SMIM14: variants seen among roughly 807,000 people sequenced by gnomAD.
SMIM14 encodes the protein small integral membrane protein 14, also known as chromosome 4 open reading frame 34.
A neutral mutation model predicts 12.6 loss-of-function variants in SMIM14; 5 were observed. The ratio of observed to expected loss-of-function variants is 0.40; its 90% CI spans 0.21 to 0.83. The LOEUF (loss-of-function observed/expected upper bound fraction) is 0.83, where lower values mean the gene tolerates loss of function less well. SMIM14 is among the 40% of genes least tolerant of loss of function. The pLI is 0.37. For missense variants in SMIM14, 86 were observed against 119.1 expected, an observed-to-expected ratio of 0.72 and a Z score of 1.29; for synonymous variants, 30 against 40.1, an observed-to-expected ratio of 0.75 and a Z score of 0.95.
intron 1 of SMIM14, among the ~76,000 whole-genome samples, chr4:39,636,484 TA>T (rs1716095223): frequency 6.6e-6 from 1 of 152,186 alleles, no homozygotes. Context: ...ACCATGCTTT[TA>T]ATAATTATGG....
intron 4 of SMIM14, among the ~76,000 whole-genome samples, chr4:39,554,733 CAAAT>C (rs1006158140): frequency 1.4e-4 from 17 of 118,394 alleles, no homozygotes; most frequent in Middle Eastern, 0.013. Context: ...TTTAAATTGA[CAAAT>C]AAAAATTGTA....
At chr4:39,576,665 T>C (rs1456718195) in intron 2 of SMIM14, among the ~76,000 whole-genome samples, 1 of 20,390 alleles carries the variant, frequency 4.9e-5, no homozygotes, top group East Asian at 1.7e-3. Flanking sequence ...TATGTGTATA[T>C]ATATATATAT....
chr4:39,613,118 T>C (rs1209857523), intron 1 of SMIM14, among the ~76,000 whole-genome samples: 1 of 151,766 alleles, frequency 6.6e-6, no homozygotes, highest in Non-Finnish European at 1.5e-5. Flanking sequence ...CCACCACCCC[T>C]AAAAAAAACA....
intron 4 of SMIM14, among the ~76,000 whole-genome samples, chr4:39,556,098 G>A (rs1374922746): frequency 1.3e-5 from 2 of 151,838 alleles, no homozygotes; most frequent in Non-Finnish European, 2.9e-5. Context: ...AGGAGGTGGA[G>A]GCTTCAGTGA....
chr4:39,621,212 A>T (rs1186775518), intron 1 of SMIM14: 1 of 152,212 alleles, frequency 6.6e-6, no homozygotes, highest in East Asian at 1.9e-4. Context: ...CTTTCCATCC[A>T]TTAAAGTACA....
intron 2 of SMIM14, among the ~76,000 whole-genome samples, chr4:39,599,948 A>AAAAAAAAAAG (rs1714537559): frequency 6.6e-6 from 1 of 151,956 alleles, no homozygotes; most frequent in African/African-American, 2.4e-5. Context: ...AAAAAAAAAA[A>AAAAAAAAAAG]AAAGAAAAAG....
At chr4:39,599,567 C>T (rs893391446) in intron 2 of SMIM14, among the ~76,000 whole-genome samples, 1 of 152,026 alleles carries the variant, frequency 6.6e-6, no homozygotes, top group Non-Finnish European at 1.5e-5. Context: ...TGAAAAATGG[C>T]TGGATTCTGG....
chr4:39,595,608 A>ATTTTTTTTTTTT (rs71192880), intron 2 of SMIM14, among the ~76,000 whole-genome samples: 2 of 135,552 alleles, frequency 1.5e-5, no homozygotes. Flanking sequence ...TGTAACTACG[A>ATTTTTTTTTTTT]TTTTTTTTTT....
chr4:39,609,912 G>A (rs1185211003), intron 1 of SMIM14, among the ~76,000 whole-genome samples: 2 of 152,198 alleles, frequency 1.3e-5, no homozygotes, highest in African/African-American at 4.8e-5. Flanking sequence ...CTGGAAGGAA[G>A]ACAAATTATT....
chr4:39,623,125 T>A (rs1715566684), intron 1 of SMIM14, among the ~76,000 whole-genome samples: 1 of 152,150 alleles, frequency 6.6e-6, no homozygotes, highest in Non-Finnish European at 1.5e-5. Context: ...AGAGTCTTTA[T>A]CTCTTAGGAA....
chr4:39,599,933 C>CAAAA (rs56285045), intron 2 of SMIM14, among the ~76,000 whole-genome samples: 3 of 115,078 alleles, frequency 2.6e-5, no homozygotes, highest in Non-Finnish European at 1.8e-5. Flanking sequence ...AAAACAACAA[C>CAAAA]AAAAAAAAAA....
At chr4:39,579,235 C>T (rs966097864) in intron 2 of SMIM14, among the ~76,000 whole-genome samples, 8 of 150,836 alleles carry the variant, frequency 5.3e-5, no homozygotes, top group African/African-American at 1.5e-4. Context: ...ATGGAAAGAC[C>T]CCATCTCTAC....
chr4:39,595,300 A>G (rs1359427431), intron 2 of SMIM14, among the ~76,000 whole-genome samples: 2 of 149,082 alleles, frequency 1.3e-5, no homozygotes, highest in Non-Finnish European at 3.0e-5. Context: ...AAACTATTGC[A>G]AGAACAAAAA....
chr4:39,619,221 TTATTCTATATATCAATAAATA>T (rs1715346540), intron 1 of SMIM14, among the ~76,000 whole-genome samples: 2 of 141,950 alleles, frequency 1.4e-5, no homozygotes, highest in African/African-American at 5.1e-5. Flanking sequence ...TAAATATAAT[TTATTCTATATATCAATAAATA>T]TAATTTATTC....
chr4:39,611,505 C>CAA (rs79299163), intron 1 of SMIM14, among the ~76,000 whole-genome samples: 13 of 90,890 alleles, frequency 1.4e-4, no homozygotes, highest in East Asian at 3.2e-4. Context: ...GACTCCATCT[C>CAA]AAAAAAAAAA....
chr4:39,592,041 CA>C (rs1188113987), intron 2 of SMIM14, among the ~76,000 whole-genome samples: 2 of 151,648 alleles, frequency 1.3e-5, no homozygotes, highest in African/African-American at 2.4e-5. Flanking sequence ...AAAAAAAATA[CA>C]AAAATTAGCC....
At chr4:39,587,011 T>TAATC (rs1338109421) in intron 2 of SMIM14, among the ~76,000 whole-genome samples, 2 of 151,940 alleles carry the variant, frequency 1.3e-5, no homozygotes, top group Non-Finnish European at 2.9e-5. Flanking sequence ...TCACAAGGCC[T>TAATC]CTACCCTCAT....
intron 1 of SMIM14, among the ~76,000 whole-genome samples, chr4:39,608,582 T>G (rs1029347703): frequency 6.6e-6 from 1 of 152,242 alleles, no homozygotes; most frequent in Non-Finnish European, 1.5e-5. Flanking sequence ...ATGAAATATC[T>G]AGCTAGAATA....
intron 3 of SMIM14, among the ~76,000 whole-genome samples, chr4:39,560,620 T>A (rs1197551919): frequency 1.3e-5 from 2 of 151,822 alleles, no homozygotes; most frequent in Admixed American, 6.6e-5. Context: ...CACTCCAGCC[T>A]GGCGACAGAG....
Sources: gnomAD v4.1 joint callset for allele counts (sites outside exome capture counted in the v4.1 genomes callset) on GRCh38, gnomAD v4.1.1 for gene constraint, MANE v1.5 for transcripts, NCBI Gene and HGNC (gene_info 2026-07-23, HGNC 2026-07-21) for gene names.